Variants in A2ML1 observed in about 807,000 individuals in gnomAD.
The protein encoded by A2ML1 is alpha-2-macroglobulin like 1, also known as alpha-2-macroglobulin-like protein 1.
Under a neutral mutation model 181.9 loss-of-function variants are expected in A2ML1, and 161 were observed. The ratio of observed to expected loss-of-function variants is 0.89; its 90% CI spans 0.78 to 1.01. A2ML1 has a LOEUF of 1.01. Ranked by LOEUF, A2ML1 falls within the 50% of genes least tolerant of loss-of-function variation. The pLI is 0.00. For synonymous variants in A2ML1, 663 were observed against 666.8 expected (o/e 0.99, Z 0.09); for missense variants, 1,670 against 1,768.1 (o/e 0.94, Z 1.00).
rs1291079269 is a variant in A2ML1 at position 8,868,201 on chromosome 12, T to C, written c.3934-29T>C. On this transcript the variant is annotated intron_variant, in intron 30 of 35. Coordinates refer to ENST00000299698, the MANE Select transcript of A2ML1 (RefSeq NM_144670.6). ...CAATCTTTAAAGTTCTTTCCAAGTC[T>C]GATTTGGCTACCTATTTCTTCCTAC... is the stretch of plus-strand genomic sequence containing the variant. 2.5e-6 allele frequency: 4 copies of C among 1,612,886 alleles called. No individual in the cohort carries two copies. In the East Asian group the frequency reaches 6.7e-5, roughly 27 times the overall value.
chr12:8,823,635 C>T, intron 2 of A2ML1, 85 bp from the exon 3 acceptor site: 12 of 1,458,678 alleles, frequency 8.2e-6, no homozygotes, highest in Non-Finnish European at 1.1e-5. Flanking sequence ...TCAGCTCTTT[C>T]CTTTAACTCA....
In A2ML1 at chr12:8,852,261, G is replaced by C; in HGVS notation, c.2515G>C (p.Asp839His). The change falls in exon 20 of 36, where the codon GAT becomes CAT. Residue 839 changes from aspartate (D) to histidine (H), a missense_variant. Asp to His is a moderately conservative substitution (Grantham distance 81). Transcript: ENST00000299698. This position sits in a 1 kb window ranked among gnomAD's most constrained non-coding sequence, Gnocchi z 4.2. ...SHEYQLESWA[D>H]SQTSSCLCAD... ...TGAGTACCAGCTAGAATCATGGGCAGATTCTCAGACCTCCAGTTGTCTCTG... is the reference window on the plus strand; with the variant it reads ...TGAGTACCAGCTAGAATCATGGGCACATTCTCAGACCTCCAGTTGTCTCTG... 1 of 1,614,154 alleles carries C rather than the reference G, an allele frequency of 6.2e-7. No homozygotes were observed. Among genetic ancestry groups the C allele is most frequent in the African/African-American group, 1.3e-5 (1 of 75,020 alleles).
In A2ML1 at chr12:8,839,217, G is replaced by A. The variant is rs1389060308; in HGVS notation, c.1075G>A (p.Gly359Arg). Residue 359 changes from glycine (G) to arginine (R), a missense_variant, in exon 10 of 36, where the codon GGG becomes AGG. Transcript: ENST00000299698. ...TTACCATCCAAATTTCCCCTTCAGT[G>A]GGAAGGTATGTTAAAACTTTTCTCT... ...NFYHPNFPFS[G>R]KIRVRGHDDS... 1 of 1,611,492 alleles carries A rather than the reference G, an allele frequency of 6.2e-7. No individual in the cohort carries two copies. Among genetic ancestry groups the A allele is most frequent in the East Asian group, 2.2e-5 (1 of 44,834 alleles).
chr12:8,857,114 G>A, intron 23 of A2ML1, 50 bp from the exon 24 acceptor site: 1 of 1,546,702 alleles, frequency 6.5e-7, no homozygotes, highest in Non-Finnish European at 8.8e-7. Flanking sequence ...CTCTTAGAGG[G>A]TCCCTTCTTC....
At chr12:8,861,329 T>C (rs1482878109) in intron 28 of A2ML1, 32 bp downstream of exon 28, 2 of 1,610,780 alleles carry the variant, frequency 1.2e-6, no homozygotes, top group South Asian at 1.1e-5. Context: ...TTCTTTGAAA[T>C]TGTGAACATA....
chr12:8,884,599 C>T (rs946959301), intron 7 of A2ML1, among the ~76,000 whole-genome samples: 5 of 152,152 alleles, frequency 3.3e-5, no homozygotes, highest in South Asian at 2.1e-4. Context: ...TGTAGTAGCG[C>T]GATCTTGGCT....
chr12:8,833,368 A>G (rs1381193082), intron 4 of A2ML1, among the ~76,000 whole-genome samples: 1 of 152,050 alleles, frequency 6.6e-6, no homozygotes, highest in Non-Finnish European at 1.5e-5. Context: ...CCTGTGTGAG[A>G]AAAGTACTTT....
At chr12:8,823,420 A>T in intron 2 of A2ML1, 55 bp downstream of exon 2, 1 of 1,526,904 alleles carries the variant, frequency 6.5e-7, no homozygotes, top group East Asian at 2.3e-5. Context: ...TCTCCTCCCT[A>T]GGCTCACTAT....
intron 4 of A2ML1, 71 bp from the exon 5 acceptor site, chr12:8,834,591 T>C: frequency 6.4e-7 from 1 of 1,569,658 alleles, no homozygotes; most frequent in African/African-American, 1.4e-5. Context: ...TTGTGAACTT[T>C]TGCTTTCAGC....
intron 29 of A2ML1, among the ~76,000 whole-genome samples, chr12:8,867,601 C>T (rs948574475): frequency 1.3e-5 from 2 of 151,564 alleles, no homozygotes; most frequent in East Asian, 1.9e-4. Context: ...GAGCTGAGAT[C>T]GTGCCATTGC....
chr12:8,874,683 A>C (rs1399966835), intron 34 of A2ML1, among the ~76,000 whole-genome samples, 156 bp downstream of exon 34: 1 of 152,188 alleles, frequency 6.6e-6, no homozygotes, highest in African/African-American at 2.4e-5. Flanking sequence ...AAAATATTTT[A>C]ATTCAGTTGT....
chr12:8,833,397 G>T lies in A2ML1; in HGVS notation c.463-1265G>T, dbSNP rs192759550. Among the ~76,000 whole-genome samples, 174 of 152,142 alleles carry T rather than the reference G, an allele frequency of 1.1e-3. 2 individuals are homozygous for T. The highest frequency in any genetic ancestry group is 4.0e-3 in the African/African-American group (167 of 41,526). On this transcript the variant is annotated intron_variant, in intron 4 of 35. Coordinates refer to ENST00000299698, the MANE Select transcript of A2ML1 (RefSeq NM_144670.6). Reference sequence around the variant, plus strand: ...GTACTTTGTTATCGAAGTGTTTTTTGTTGTTGTTGTTTTGTATTTTGTTTT... The same window carrying T: ...GTACTTTGTTATCGAAGTGTTTTTTTTTGTTGTTGTTTTGTATTTTGTTTT...
At chr12:8,848,222 T>C (rs1485784363) in intron 15 of A2ML1, among the ~76,000 whole-genome samples, 2 of 151,558 alleles carry the variant, frequency 1.3e-5, no homozygotes, top group Non-Finnish European at 2.9e-5. Context: ...AGAATGAGCC[T>C]GTAATCCCAG....
chr12:8,848,022 A>G (rs1943757713), intron 15 of A2ML1, among the ~76,000 whole-genome samples: 1 of 147,920 alleles, frequency 6.8e-6, no homozygotes, highest in African/African-American at 2.5e-5. Flanking sequence ...GCATGGGCCC[A>G]TGCCTGTAAT....
intron 30 of A2ML1, 70 bp downstream of exon 30, chr12:8,868,127 T>G: frequency 1.9e-6 from 3 of 1,607,330 alleles, no homozygotes; most frequent in Non-Finnish European, 2.6e-6. Flanking sequence ...CCCTTAGGCC[T>G]TCTCTCTCTC....
intron 5 of A2ML1, 102 bp downstream of exon 5, chr12:8,834,784 C>T: frequency 2.0e-6 from 3 of 1,468,282 alleles, no homozygotes; most frequent in Non-Finnish European, 2.8e-6. Context: ...GATCTTGGCC[C>T]AGAGCCCCAT....
intron 7 of A2ML1, among the ~76,000 whole-genome samples, chr12:8,883,696 T>C (rs1944891604): frequency 6.6e-6 from 1 of 152,082 alleles, no homozygotes; most frequent in African/African-American, 2.4e-5. Context: ...CAGGCTGGTC[T>C]CAAACTCCTG....
chr12:8,846,801 ACT>A (rs1280540878), intron 14 of A2ML1, among the ~76,000 whole-genome samples: 2 of 82,374 alleles, frequency 2.4e-5, no homozygotes, highest in Non-Finnish European at 4.9e-5. Context: ...ACAGAGTGAG[ACT>A]CTGTCTCAAA....
chr12:8,880,715 A>G (rs749049989), downstream of A2ML1: 9 of 152,298 alleles, frequency 5.9e-5, no homozygotes, highest in South Asian at 1.9e-3. Flanking sequence ...GACATCAAAG[A>G]CAAAACGTAC....
Sources: allele counts gnomAD v4.1 joint callset (sites outside exome capture counted in the v4.1 genomes callset), GRCh38; gene constraint gnomAD v4.1.1; non-coding constraint Gnocchi (gnomAD v3.1); transcripts MANE v1.5; gene names NCBI Gene and HGNC (gene_info 2026-07-23, HGNC 2026-07-21).